CTNND2: variants seen among roughly 807,000 people sequenced by gnomAD.
The protein encoded by CTNND2 is catenin delta 2, also known as catenin delta-2.
In CTNND2, 22 loss-of-function variants were observed where a neutral mutation model predicts 144.4. The ratio of observed to expected loss-of-function variants is 0.15; its 90% CI spans 0.11 to 0.22. The LOEUF (loss-of-function observed/expected upper bound fraction) is 0.22. CTNND2 is among the 10% of genes least tolerant of loss of function. The probability of loss-of-function intolerance (pLI) is 1.00; values close to 1 mark genes in which losing one functional copy is unlikely to be tolerated. For synonymous variants in CTNND2, 751 were observed against 695.6 expected (o/e 1.08, Z -1.25); for missense variants, 1,353 against 1,618.8 (o/e 0.84, Z 2.82).
intron 2 of CTNND2, among the ~76,000 whole-genome samples, chr5:11,684,088 T>C (rs939515088): frequency 8.6e-5 from 13 of 151,928 alleles, no homozygotes; most frequent in Non-Finnish European, 1.6e-4. Context: ...TACACATTAT[T>C]TATTTTTATT....
intron 3 of CTNND2, among the ~76,000 whole-genome samples, chr5:11,451,714 G>C (rs560165076): frequency 1.3e-5 from 2 of 152,280 alleles, no homozygotes; most frequent in South Asian, 4.1e-4. Context: ...ATGAAAGGCA[G>C]TTTCAATATT....
intron 2 of CTNND2, among the ~76,000 whole-genome samples, chr5:11,581,808 G>C (rs1778457162): frequency 6.6e-6 from 1 of 152,172 alleles, no homozygotes; most frequent in African/African-American, 2.4e-5. Context: ...AATATGCTCA[G>C]CGATGCAGCT....
At chr5:11,428,231 G>C (rs948609078) in intron 3 of CTNND2, among the ~76,000 whole-genome samples, 3 of 152,074 alleles carry the variant, frequency 2.0e-5, no homozygotes, top group African/African-American at 7.2e-5. Flanking sequence ...AACAATCCCC[G>C]GTTCAAAAGC....
At chr5:11,689,561 GC>G (rs1238399358) in intron 2 of CTNND2, among the ~76,000 whole-genome samples, 1 of 152,148 alleles carries the variant, frequency 6.6e-6, no homozygotes, top group African/African-American at 2.4e-5. Flanking sequence ...ATTTGTGAAT[GC>G]TGTTGTACAG....
intron 20 of CTNND2, 36 bp from the exon 21 acceptor site, chr5:10,981,882 AAAC>A (rs1209116447): frequency 6.4e-6 from 10 of 1,551,540 alleles, no homozygotes; most frequent in East Asian, 2.2e-5. Flanking sequence ...TTAGCAAAGA[AAAC>A]AACATTACAA....
intron 2 of CTNND2, among the ~76,000 whole-genome samples, chr5:11,717,906 C>A (rs1487818837): frequency 6.6e-6 from 1 of 152,130 alleles, no homozygotes; most frequent in Non-Finnish European, 1.5e-5. Flanking sequence ...GGGACACAGC[C>A]AAACCATATC....
chr5:11,292,790 T>TG (rs1349131868), intron 9 of CTNND2, among the ~76,000 whole-genome samples: 1 of 152,140 alleles, frequency 6.6e-6, no homozygotes, highest in Admixed American at 6.6e-5. Flanking sequence ...GAATACCATG[T>TG]GAAGGCTGGG....
intron 8 of CTNND2, among the ~76,000 whole-genome samples, chr5:11,353,018 T>C (rs903358903): frequency 2.0e-5 from 3 of 152,162 alleles, no homozygotes; most frequent in East Asian, 1.9e-4. Context: ...TTATAGTGTG[T>C]GTAACTGGAG....
At chr5:11,122,447 C>T (rs1439216899) in intron 12 of CTNND2, among the ~76,000 whole-genome samples, 1 of 151,956 alleles carries the variant, frequency 6.6e-6, no homozygotes, top group Admixed American at 6.6e-5. Flanking sequence ...AGGTTGTCTT[C>T]CTATGTCTGT....
chr5:10,989,724 C>G lies in CTNND2; in HGVS notation c.3212-1482G>C, dbSNP rs534195481. Among the ~76,000 whole-genome samples, 6 of 152,310 alleles carry G rather than the reference C, an allele frequency of 3.9e-5. No individual in the cohort carries two copies. In the East Asian group the frequency reaches 1.2e-3, roughly 29 times the overall value. Reference sequence around the variant, plus strand: ...TTCCTGTGCTAGCCACTGTGCAAGGCAGACATGCAGATCACGTGGCTCTTC... The same window carrying G: ...TTCCTGTGCTAGCCACTGTGCAAGGGAGACATGCAGATCACGTGGCTCTTC... On this transcript the variant is annotated intron_variant, in intron 19 of 21. Coordinates refer to ENST00000304623, the MANE Select transcript of CTNND2 (RefSeq NM_001332.4).
intron 18 of CTNND2, among the ~76,000 whole-genome samples, chr5:10,997,632 A>C (rs1005717582): frequency 1.3e-5 from 2 of 152,026 alleles, no homozygotes; most frequent in Non-Finnish European, 2.9e-5. Context: ...CTTTTGAAGG[A>C]AATGCTTTGT....
chr5:11,117,326 C>G (rs993710904), intron 13 of CTNND2, 124 bp downstream of exon 13: 8 of 740,750 alleles, frequency 1.1e-5, no homozygotes, highest in Admixed American at 1.0e-4. Context: ...TATAAGGAAA[C>G]CAGGAGAGAG....
intron 9 of CTNND2, among the ~76,000 whole-genome samples, chr5:11,316,288 TGA>T (rs1751465409): frequency 6.6e-6 from 1 of 151,940 alleles, no homozygotes; most frequent in Admixed American, 6.6e-5. Flanking sequence ...TGTAGTGGTG[TGA>T]TCTTGGCTCA....
intron 5 of CTNND2, among the ~76,000 whole-genome samples, chr5:11,402,650 C>A (rs1264570523): frequency 6.6e-6 from 1 of 152,186 alleles, no homozygotes; most frequent in Non-Finnish European, 1.5e-5. Context: ...AGGAGTTTCT[C>A]TGAGGAGGTC....
intron 18 of CTNND2, among the ~76,000 whole-genome samples, chr5:11,009,039 C>T (rs1006375074): frequency 2.6e-5 from 4 of 152,228 alleles, no homozygotes; most frequent in South Asian, 2.1e-4. Flanking sequence ...ATAAAGTGTA[C>T]TCTTCTTCTT....
At chr5:11,744,896 C>A (rs2126772859) in intron 1 of CTNND2, among the ~76,000 whole-genome samples, 1 of 152,064 alleles carries the variant, frequency 6.6e-6, no homozygotes, top group South Asian at 2.1e-4. Context: ...CCACCGCGTC[C>A]AGCTAATTTT....
intron 3 of CTNND2, among the ~76,000 whole-genome samples, chr5:11,533,722 C>T (rs1382515456): frequency 6.6e-6 from 1 of 152,208 alleles, no homozygotes; most frequent in Non-Finnish European, 1.5e-5. Flanking sequence ...CTCAGAGCAG[C>T]TTTTCTCAAA....
At chr5:11,302,638 C>A (rs1749736722) in intron 9 of CTNND2, among the ~76,000 whole-genome samples, 1 of 152,158 alleles carries the variant, frequency 6.6e-6, no homozygotes, top group African/African-American at 2.4e-5. Context: ...TGATGCTTCA[C>A]CTGCTCTCCA....
chr5:11,654,441 T>C (rs1782807178), intron 2 of CTNND2, among the ~76,000 whole-genome samples: 1 of 152,078 alleles, frequency 6.6e-6, no homozygotes, highest in Non-Finnish European at 1.5e-5. Flanking sequence ...TATAGATCTT[T>C]CTCCTCTTTA....
Sources: allele counts gnomAD v4.1 joint callset (sites outside exome capture counted in the v4.1 genomes callset), GRCh38; gene constraint gnomAD v4.1.1; transcripts MANE v1.5; gene names NCBI Gene and HGNC (gene_info 2026-07-23, HGNC 2026-07-21).